CCDC39: variants seen among roughly 807,000 people sequenced by gnomAD.
CCDC39 encodes coiled-coil domain-containing protein 39.
A neutral mutation model predicts 121.0 loss-of-function variants in CCDC39; 113 were observed. The observed-to-expected ratio is 0.93, with a 90% CI of 0.80 to 1.09. The LOEUF is 1.09. Among genes scored for constraint, CCDC39 ranks in the 50% least tolerant of loss-of-function variants. The pLI, the probability that CCDC39 is intolerant of heterozygous loss-of-function variation, is 0.00. For missense variants in CCDC39, 1,063 were observed against 1,074.7 expected (o/e 0.99, Z 0.15); for synonymous variants, 349 against 352.2 (o/e 0.99, Z 0.10).
Position 180,616,863 on chromosome 3 carries a change from T to G in CCDC39, c.2369A>C (p.Glu790Ala), listed in dbSNP as rs1295389866. 6.2e-7 allele frequency: 1 copy of G among 1,607,074 alleles called. No homozygotes were observed. The highest frequency in any genetic ancestry group is 1.3e-5 in the African/African-American group (1 of 74,780). Residue 790 changes from glutamate (E) to alanine (A), a missense_variant, in exon 17 of 20, where the codon GAG becomes GCG. By Grantham distance (107) the Glu-to-Ala change is moderately radical (BLOSUM62 -1). Transcript: ENST00000476379. Reference sequence around the variant, plus strand: ...TCTTTCTAATTTTGGCTTCTGCTCCTCCGTTTCTTTACTTAGTTGAAATGA... The same window carrying G: ...TCTTTCTAATTTTGGCTTCTGCTCCGCCGTTTCTTTACTTAGTTGAAATGA... Reference protein sequence around the residue: ...AYSFQLSKETEEQKPKLERVT... With the variant: ...AYSFQLSKETAEQKPKLERVT...
At chr3:180,652,984 A>C (rs901635049) in intron 7 of CCDC39, among the ~76,000 whole-genome samples, 8 of 152,190 alleles carry the variant, frequency 5.3e-5, no homozygotes, top group Admixed American at 1.3e-4. Flanking sequence ...AAACTACAAA[A>C]CATTGATGAG....
intron 14 of CCDC39, among the ~76,000 whole-genome samples, chr3:180,629,708 C>A (rs992173650): frequency 3.8e-4 from 57 of 151,976 alleles, no homozygotes; most frequent in African/African-American, 5.6e-4. Flanking sequence ...ACAACAACAA[C>A]AAAAAATGGG....
chr3:180,651,127 G>A (rs760357919), intron 9 of CCDC39, among the ~76,000 whole-genome samples: 110 of 151,982 alleles, frequency 7.2e-4, no homozygotes, highest in Admixed American at 3.0e-3. Context: ...CTTGGGAGGC[G>A]GAGGTTGCAG....
Position 180,615,076 on chromosome 3 carries a change from A to G in CCDC39, c.2671T>C (p.Ser891Pro), listed in dbSNP as rs1717180469. The change falls in exon 20 of 20, where the codon TCA becomes CCA. Residue 891 changes from serine to proline, a missense_variant and splice_region_variant. Ser to Pro is a moderately conservative substitution (Grantham distance 74, BLOSUM62 -1). Transcript: ENST00000476379. The stretch of plus-strand genomic sequence containing the variant: ...GTAGATGTACTTGTACTCCTAGATG[A>G]CCTAGAAGAAAAACCAGAATTATAA... ...SPSHTSLSAR[S>P]SRSTSTSTSQ... The G allele has an allele frequency of 6.6e-7, 1 of 1,521,980 alleles. No homozygotes were observed. Among genetic ancestry groups the G allele is most frequent in the African/African-American group, 1.4e-5 (1 of 71,262 alleles). The allele number at this position is 1,521,980 out of a possible 1,614,324, so 94.3% of individuals were successfully genotyped here. A position where few individuals can be genotyped will look rare whatever the true frequency, so the allele number is the denominator to read the frequency against.
intron 4 of CCDC39, 78 bp downstream of exon 4, chr3:180,660,491 TA>T: frequency 1.6e-6 from 2 of 1,271,902 alleles, no homozygotes; most frequent in Non-Finnish European, 2.1e-6. Flanking sequence ...TTAAAAATCC[TA>T]AGTATAACTT....
intron 14 of CCDC39, among the ~76,000 whole-genome samples, chr3:180,628,593 G>T (rs1015196801): frequency 6.6e-6 from 1 of 152,130 alleles, no homozygotes; most frequent in Non-Finnish European, 1.5e-5. Flanking sequence ...GGGTCAACAA[G>T]CTTTGTCTGT....
chr3:180,624,484 CTTT>C (rs1399940610), intron 14 of CCDC39, among the ~76,000 whole-genome samples: 2 of 151,468 alleles, frequency 1.3e-5, no homozygotes, highest in Admixed American at 1.3e-4. Context: ...TAAATTATTT[CTTT>C]TTTTTCTCTG....
chr3:180,633,065 T>A (rs1029171939), intron 13 of CCDC39, among the ~76,000 whole-genome samples: 1 of 152,084 alleles, frequency 6.6e-6, no homozygotes, highest in Non-Finnish European at 1.5e-5. Context: ...AATAAACACC[T>A]CCTAACTTTT....
intron 1 of CCDC39, among the ~76,000 whole-genome samples, chr3:180,677,598 T>C (rs887904505): frequency 6.6e-6 from 1 of 152,140 alleles, no homozygotes; most frequent in Non-Finnish European, 1.5e-5. Flanking sequence ...AGGAATTTTT[T>C]TAGCAATCAG....
At chr3:180,642,885 A>C (rs915287168) in intron 12 of CCDC39, among the ~76,000 whole-genome samples, 7 of 152,194 alleles carry the variant, frequency 4.6e-5, no homozygotes, top group African/African-American at 1.4e-4. Context: ...GTTTTAAAAA[A>C]AGTTTTGTGT....
Position 180,642,122 on chromosome 3 carries a change from A to T in CCDC39, c.1745T>A (p.Val582Asp). ...CTGTTTTCTTTTTTCTAGGGAAAGA[A>T]CTTCTTCTGCCTTACTGTGAAGCAT... Reference protein sequence around the residue: ...REMLHSKAEEVLSLEKRKQQL... With the variant: ...REMLHSKAEEDLSLEKRKQQL... Residue 582 changes from valine (V) to aspartate (D), a missense_variant, in exon 13 of 20, where the codon GTT becomes GAT. Transcript: ENST00000476379. 1 of 1,612,966 alleles carries T rather than the reference A, an allele frequency of 6.2e-7. No individual in the cohort carries two copies. The highest frequency in any genetic ancestry group is 8.5e-7 in the Non-Finnish European group (1 of 1,179,182).
At chr3:180,674,239 A>G (rs1712129552) in intron 1 of CCDC39, among the ~76,000 whole-genome samples, 2 of 152,176 alleles carry the variant, frequency 1.3e-5, no homozygotes, top group African/African-American at 4.8e-5. Flanking sequence ...TCTTTGAAGC[A>G]ATTGTGAATG....
intron 14 of CCDC39, among the ~76,000 whole-genome samples, chr3:180,622,085 T>C (rs1717444125): frequency 6.6e-6 from 1 of 152,178 alleles, no homozygotes; most frequent in African/African-American, 2.4e-5. Context: ...GTGTCATCTA[T>C]AATTTCTTTC....
intron 13 of CCDC39, among the ~76,000 whole-genome samples, chr3:180,633,651 T>G (rs1717755319): frequency 6.6e-6 from 1 of 151,418 alleles, no homozygotes; most frequent in South Asian, 2.1e-4. Context: ...AGGACAGACC[T>G]AAAAGGGCCA....
chr3:180,635,170 AACTC>A (rs889620700), intron 13 of CCDC39, among the ~76,000 whole-genome samples: 54 of 152,218 alleles, frequency 3.5e-4, no homozygotes, highest in African/African-American at 9.9e-4. Flanking sequence ...ATCTCATGAG[AACTC>A]ACTCACTCAC....
At chr3:180,675,727 C>T (rs1350094340) in intron 1 of CCDC39, among the ~76,000 whole-genome samples, 1 of 152,100 alleles carries the variant, frequency 6.6e-6, no homozygotes, top group East Asian at 1.9e-4. Flanking sequence ...AGGCATCACG[C>T]TACCTGACTT....
intron 4 of CCDC39, among the ~76,000 whole-genome samples, chr3:180,660,187 A>G (rs1478735626): frequency 6.6e-6 from 1 of 152,130 alleles, no homozygotes; most frequent in Non-Finnish European, 1.5e-5. Flanking sequence ...CAAATCAGCA[A>G]AAACTACATG....
In CCDC39 at chr3:180,652,164, T is replaced by G; in HGVS notation, c.1033A>C (p.Arg345=). 2 of 1,467,150 alleles carry G rather than the reference T, an allele frequency of 1.4e-6. No homozygotes were observed. Among genetic ancestry groups the G allele is most frequent in the Non-Finnish European group, 1.8e-6 (2 of 1,088,204 alleles). 90.9% of individuals were successfully genotyped at this position (1,467,150 alleles called of 1,614,324 possible). A position where few individuals can be genotyped will look rare whatever the true frequency, so the allele number is the denominator to read the frequency against. The change falls in exon 8 of 20, where the codon AGG becomes CGG. Residue 345 remains arginine (R), a splice_region_variant and synonymous_variant. Coordinates refer to ENST00000476379, the MANE Select transcript of CCDC39 (RefSeq NM_181426.2). The stretch of plus-strand genomic sequence containing the variant: ...ATATTTAGATAGTTTTTTTCTTACC[T>G]TGCTGTTTCTTCATGAATGTCCTTC... ...IKKDIHEETA[R]LQKTKNHNEI...
rs1296166088 is a variant in CCDC39, at chr3:180,663,942, T to C, written c.135A>G (p.Leu45=). 4.3e-6 allele frequency: 7 copies of C among 1,611,890 alleles called. No individual in the cohort carries two copies. The highest frequency in any genetic ancestry group is 1.3e-5 in the African/African-American group (1 of 74,918). ...AATTAATTCGCTCTTCATACTCACG[T>C]AACTCATCTTGCAAGCTTGCTCTTT... ...KDERASLQDE[L]REYEERINSM... is the part of the protein sequence containing the mutation. Residue 45 remains leucine (L), a synonymous_variant, in exon 2 of 20, where the codon TTA becomes TTG. Transcript: ENST00000476379.
Sources: allele counts gnomAD v4.1 joint callset (sites outside exome capture counted in the v4.1 genomes callset), GRCh38; gene constraint gnomAD v4.1.1; transcripts MANE v1.5; gene names NCBI Gene and HGNC (gene_info 2026-07-23, HGNC 2026-07-21).